Variants in THSD7A observed in about 807,000 individuals in gnomAD.
The protein encoded by THSD7A is thrombospondin type-1 domain-containing protein 7A.
Under a neutral mutation model 231.3 loss-of-function variants are expected in THSD7A, and 96 were observed. The observed-to-expected ratio is 0.41, with a 90% CI of 0.35 to 0.49. The LOEUF (loss-of-function observed/expected upper bound fraction) is 0.49. Ranked by LOEUF, THSD7A falls within the 20% of genes least tolerant of loss-of-function variation. THSD7A has a pLI of 0.05. For synonymous variants in THSD7A, 940 were observed against 743.3 expected (o/e 1.26, Z -4.30); for missense variants, 2,290 against 2,070.2 (o/e 1.11, Z -2.06).
At chr7:11,743,485 C>T (rs901451715) in intron 1 of THSD7A, among the ~76,000 whole-genome samples, 5 of 151,842 alleles carry the variant, frequency 3.3e-5, no homozygotes, top group African/African-American at 4.8e-5. Flanking sequence ...AAAAAATATT[C>T]CCCTCTTTTT....
At chr7:11,638,869 C>G (rs1310222631) in intron 1 of THSD7A, among the ~76,000 whole-genome samples, 2 of 152,072 alleles carry the variant, frequency 1.3e-5, no homozygotes, top group African/African-American at 4.8e-5. Flanking sequence ...TATATATTCA[C>G]AAATCTGGTG....
chr7:11,677,854 G>A (rs530132761), intron 1 of THSD7A, among the ~76,000 whole-genome samples: 94 of 152,088 alleles, frequency 6.2e-4, no homozygotes, highest in African/African-American at 2.2e-3. Flanking sequence ...CCTAATAGAC[G>A]TCTACAAAAC....
At chr7:11,507,650 A>G (rs1787610850) in intron 6 of THSD7A, among the ~76,000 whole-genome samples, 1 of 151,492 alleles carries the variant, frequency 6.6e-6, no homozygotes, top group Non-Finnish European at 1.5e-5. Flanking sequence ...ATACAAATAG[A>G]TAATACTGCT....
At chr7:11,773,808 TTAAAAA>T (rs1440398678) in intron 1 of THSD7A, among the ~76,000 whole-genome samples, 1 of 151,870 alleles carries the variant, frequency 6.6e-6, no homozygotes, top group Non-Finnish European at 1.5e-5. Flanking sequence ...ATTTTAAAAA[TTAAAAA>T]TAAAAAATTG....
intron 1 of THSD7A, among the ~76,000 whole-genome samples, chr7:11,679,790 A>G (rs923640846): frequency 1.3e-5 from 2 of 152,198 alleles, no homozygotes; most frequent in Admixed American, 6.5e-5. Flanking sequence ...TTATAGATTT[A>G]ATGCTATCCT....
In THSD7A at chr7:11,372,294, T is replaced by C. The variant is rs757361414; in HGVS notation, c.*3500A>G. ...ACTCATTAAGCATTTTTTCCTTCTT[T>C]TGGATGTCTGTCTTAAGTACCTATG... On this transcript the variant is annotated 3_prime_UTR_variant, in exon 28 of 28. Coordinates refer to ENST00000423059, the MANE Select transcript of THSD7A (RefSeq NM_015204.3). 2 of 151,932 alleles carry C rather than the reference T, an allele frequency of 1.3e-5. No homozygotes were observed. Among genetic ancestry groups the C allele is most frequent in the African/African-American group, 2.4e-5 (1 of 41,374 alleles). The allele number at this position is 151,932 out of a possible 1,614,324, so 9.4% of individuals were successfully genotyped here. A position where few individuals can be genotyped will look rare whatever the true frequency, so the allele number is the denominator to read the frequency against.
At chr7:11,805,988 A>G (rs1049998426) in intron 1 of THSD7A, among the ~76,000 whole-genome samples, 1 of 152,180 alleles carries the variant, frequency 6.6e-6, no homozygotes, top group Non-Finnish European at 1.5e-5. Context: ...AAAACTATTC[A>G]GTGACAGATT....
chr7:11,524,265 G>A (rs1446390263), intron 6 of THSD7A, among the ~76,000 whole-genome samples: 4 of 151,982 alleles, frequency 2.6e-5, no homozygotes, highest in African/African-American at 9.7e-5. Flanking sequence ...CTTAGTATTG[G>A]CATACATTCT....
intron 2 of THSD7A, among the ~76,000 whole-genome samples, chr7:11,608,238 A>AT (rs1468100643): frequency 2.0e-5 from 3 of 152,290 alleles, no homozygotes; most frequent in African/African-American, 7.2e-5. Context: ...CATCAAAGCT[A>AT]TTTTTTAGCA....
At chr7:11,426,795 T>A in intron 14 of THSD7A, 124 bp from the exon 15 acceptor site, 1 of 976,088 alleles carries the variant, frequency 1.0e-6, no homozygotes, top group Non-Finnish European at 1.5e-6. Context: ...AAAAACCTAC[T>A]TTTTTGGTAA....
intron 23 of THSD7A, among the ~76,000 whole-genome samples, chr7:11,396,678 C>G (rs1301794607): frequency 9.2e-5 from 14 of 152,182 alleles, no homozygotes; most frequent in Admixed American, 8.5e-4. Flanking sequence ...CAGACAGATC[C>G]ACAGCCACAT....
At chr7:11,683,621 A>G (rs972025874) in intron 1 of THSD7A, among the ~76,000 whole-genome samples, 1 of 152,092 alleles carries the variant, frequency 6.6e-6, no homozygotes, top group African/African-American at 2.4e-5. Flanking sequence ...TAGAAAATCT[A>G]GAAGAAATGA....
intron 2 of THSD7A, among the ~76,000 whole-genome samples, chr7:11,595,022 G>A (rs1291987818): frequency 3.3e-5 from 5 of 152,170 alleles, no homozygotes; most frequent in African/African-American, 9.7e-5. Context: ...CCCATCCCCA[G>A]TAGTGACAAC....
chr7:11,443,539 A>G (rs1269029076), intron 13 of THSD7A, among the ~76,000 whole-genome samples: 2 of 152,042 alleles, frequency 1.3e-5, no homozygotes, highest in Admixed American at 6.6e-5. Context: ...ATGCATGTAT[A>G]TTAACCTGAA....
chr7:11,679,558 G>GACAA (rs1783784054), intron 1 of THSD7A, among the ~76,000 whole-genome samples: 2 of 150,812 alleles, frequency 1.3e-5, no homozygotes, highest in Non-Finnish European at 3.0e-5. Context: ...ACTAATAATA[G>GACAA]ACAGAGAGCC....
At chr7:11,445,655 G>C (rs144422217) in intron 13 of THSD7A, among the ~76,000 whole-genome samples, 49 of 152,064 alleles carry the variant, frequency 3.2e-4, no homozygotes, top group African/African-American at 1.1e-3. Flanking sequence ...GCCAGTTTAG[G>C]TGTTAAAAGT....
At chr7:11,504,166 G>A (rs199799241) in intron 6 of THSD7A, among the ~76,000 whole-genome samples, 5 of 152,168 alleles carry the variant, frequency 3.3e-5, no homozygotes, top group East Asian at 3.9e-4. Context: ...GTGGGAACAC[G>A]GATGGAGCTG....
intron 1 of THSD7A, among the ~76,000 whole-genome samples, chr7:11,704,816 T>G (rs1562489867): frequency 6.6e-6 from 1 of 151,034 alleles, no homozygotes; most frequent in Non-Finnish European, 1.5e-5. Flanking sequence ...CTGAGACATT[T>G]TAGGGCATAA....
chr7:11,669,527 G>T (rs1783288727), intron 1 of THSD7A, among the ~76,000 whole-genome samples: 1 of 151,762 alleles, frequency 6.6e-6, no homozygotes, highest in Non-Finnish European at 1.5e-5. Context: ...TCCAATAAAG[G>T]AATGACCAAC....
Sources: allele counts gnomAD v4.1 joint callset (sites outside exome capture counted in the v4.1 genomes callset), GRCh38; gene constraint gnomAD v4.1.1; transcripts MANE v1.5; gene names NCBI Gene and HGNC (gene_info 2026-07-23, HGNC 2026-07-21).